Variants in ADAMTS9 observed in about 807,000 individuals in gnomAD.
The protein encoded by ADAMTS9 is ADAM metallopeptidase with thrombospondin type 1 motif 9, also known as A disintegrin and metalloproteinase with thrombospondin motifs 9.
A neutral mutation model predicts 257.1 loss-of-function variants in ADAMTS9; 107 were observed. The observed-to-expected ratio is 0.42, with a 90% CI of 0.36 to 0.49. ADAMTS9 has a LOEUF of 0.49. ADAMTS9 is among the 20% of genes least tolerant of loss of function. The pLI, the probability that ADAMTS9 is intolerant of heterozygous loss-of-function variation, is 0.03. For missense variants in ADAMTS9, 2,353 were observed against 2,469.1 expected, an observed-to-expected ratio of 0.95 and a Z score of 1.00; for synonymous variants, 982 against 880.9, an observed-to-expected ratio of 1.11 and a Z score of -2.03.
chr3:64,549,856 A>G (rs894054941), intron 31 of ADAMTS9, among the ~76,000 whole-genome samples: 1 of 152,188 alleles, frequency 6.6e-6, no homozygotes, highest in Non-Finnish European at 1.5e-5. Flanking sequence ...ATAATTAGAA[A>G]AGACTTTGGG....
chr3:64,535,552 C>CTTTTTTTTTTT (rs57945713), intron 37 of ADAMTS9, among the ~76,000 whole-genome samples: 2 of 84,658 alleles, frequency 2.4e-5, no homozygotes, highest in African/African-American at 4.0e-5. Flanking sequence ...CTTTTCTTTT[C>CTTTTTTTTTTT]TTTTTTTTTT....
At position 64,516,970 on chromosome 3, in the gene ADAMTS9, G is replaced by GATATGTAT. The variant is rs1167008544; in HGVS notation, c.*149_*156dup. ...ATATATGTGTATATATGTATGTGTA[G>GATATGTAT]ATATGTATATATGTATATGTACACA... On this transcript the variant is annotated 3_prime_UTR_variant, in exon 40 of 40. Coordinates refer to ENST00000498707, the MANE Select transcript of ADAMTS9 (RefSeq NM_182920.2). 1 of 152,370 alleles carries GATATGTAT rather than the reference G, an allele frequency of 6.6e-6. No individual in the cohort carries two copies. The allele number at this position is 152,370 out of a possible 1,614,324, so 9.4% of individuals were successfully genotyped here. A position where few individuals can be genotyped will look rare whatever the true frequency, so the allele number is the denominator to read the frequency against.
At chr3:64,613,568 GGGTTATTTATTGATGAGTAGGAACA>G in intron 21 of ADAMTS9, 59 bp from the exon 22 acceptor site, 1 of 1,538,604 alleles carries the variant, frequency 6.5e-7, no homozygotes, top group Non-Finnish European at 8.8e-7. Context: ...GTGGTTTCTG[GGGTTATTTATTGATGAGTAGGAACA>G]GGTGTGTCCT....
intron 30 of ADAMTS9, among the ~76,000 whole-genome samples, chr3:64,560,962 A>T (rs1369433053): frequency 1.3e-5 from 2 of 152,086 alleles, no homozygotes; most frequent in Admixed American, 1.3e-4. Flanking sequence ...CCCCATGGAC[A>T]CAATGTTTTC....
In ADAMTS9 at chr3:64,522,189, C is replaced by T; in HGVS notation, c.5790G>A (p.Leu1930=). The part of the protein sequence containing the change: ...GKCTPSSGTG[L]EVRVL ...ACCTTAGCTATAAAACTCGCACCTC[C>T]AGGCCAGTACCAGAGGATGGAGTGC... Residue 1930 remains leucine (L), a synonymous_variant, in exon 39 of 40, where the codon CTG becomes CTA. Transcript: ENST00000498707. 1 of 1,614,010 alleles carries T rather than the reference C, an allele frequency of 6.2e-7. No individual in the cohort carries two copies. Among genetic ancestry groups the T allele is most frequent in the Non-Finnish European group, 8.5e-7 (1 of 1,179,902 alleles).
intron 18 of ADAMTS9, among the ~76,000 whole-genome samples, 185 bp downstream of exon 18, chr3:64,622,012 TC>T (rs1265602350): frequency 6.6e-6 from 1 of 151,956 alleles, no homozygotes; most frequent in Non-Finnish European, 1.5e-5. Flanking sequence ...ATCTAAAATT[TC>T]TTGAATCACT....
intron 4 of ADAMTS9, among the ~76,000 whole-genome samples, chr3:64,658,282 A>G (rs1701135296): frequency 6.6e-6 from 1 of 152,232 alleles, no homozygotes; most frequent in Non-Finnish European, 1.5e-5. Context: ...CCTTTTAAGT[A>G]AGAAGCACAT....
chr3:64,629,826 TA>T (rs1389311079), intron 16 of ADAMTS9, among the ~76,000 whole-genome samples: 1 of 152,228 alleles, frequency 6.6e-6, no homozygotes, highest in Non-Finnish European at 1.5e-5. Context: ...GCAAATGCCA[TA>T]ATGGAGTCAT....
intron 22 of ADAMTS9, among the ~76,000 whole-genome samples, chr3:64,608,687 T>C (rs2084610077): frequency 6.6e-6 from 1 of 151,972 alleles, no homozygotes; most frequent in African/African-American, 2.4e-5. Context: ...CACTCATGAA[T>C]TTTACCAAAC....
At chr3:64,631,666 G>A (rs902433733) in intron 15 of ADAMTS9, 116 bp from the exon 16 acceptor site, 5 of 1,160,508 alleles carry the variant, frequency 4.3e-6, no homozygotes, top group African/African-American at 1.5e-5. Flanking sequence ...ATTCTATTAG[G>A]TGCCTTCTAG....
At chr3:64,565,831 G>T (rs2083531148) in intron 29 of ADAMTS9, 1 of 152,044 alleles carries the variant, frequency 6.6e-6, no homozygotes, top group Non-Finnish European at 1.5e-5. Flanking sequence ...AACCCTTTAA[G>T]GCTTCAGTAA....
intron 39 of ADAMTS9, among the ~76,000 whole-genome samples, chr3:64,520,455 T>C (rs533032203): frequency 6.6e-6 from 1 of 152,270 alleles, no homozygotes; most frequent in African/African-American, 2.4e-5. Flanking sequence ...AAAATTGATA[T>C]GGAACCAAAG....
intron 3 of ADAMTS9, among the ~76,000 whole-genome samples, chr3:64,667,196 A>G (rs1701371507): frequency 6.6e-6 from 1 of 152,148 alleles, no homozygotes; most frequent in East Asian, 1.9e-4. Context: ...TGGTTTATGG[A>G]ACATTAGTCC....
chr3:64,534,797 T>C (rs2083027679), intron 37 of ADAMTS9, among the ~76,000 whole-genome samples: 1 of 152,010 alleles, frequency 6.6e-6, no homozygotes, highest in South Asian at 2.1e-4. Context: ...GGAATGGTGC[T>C]GCTGTTGGCA....
chr3:64,647,838 G>C (rs577757358), intron 11 of ADAMTS9, 102 bp downstream of exon 11: 116 of 969,964 alleles, frequency 1.2e-4, no homozygotes, highest in Non-Finnish European at 1.7e-4. Context: ...AGCTAAAACA[G>C]ACTGCATTGT....
chr3:64,619,129 A>T (rs185332499), intron 19 of ADAMTS9, among the ~76,000 whole-genome samples: 1 of 152,174 alleles, frequency 6.6e-6, no homozygotes, highest in Admixed American at 6.6e-5. Context: ...ATTATTCGCA[A>T]TGCTATGTAT....
At chr3:64,577,230 G>A (rs1263817637) in intron 28 of ADAMTS9, among the ~76,000 whole-genome samples, 1 of 152,118 alleles carries the variant, frequency 6.6e-6, no homozygotes, top group Non-Finnish European at 1.5e-5. Context: ...GTACCCTGGG[G>A]AACTGATGAC....
chr3:64,530,738 T>G (rs1053981599), intron 38 of ADAMTS9, among the ~76,000 whole-genome samples: 13 of 152,114 alleles, frequency 8.5e-5, no homozygotes, highest in Admixed American at 5.2e-4. Flanking sequence ...ACAGTTTATC[T>G]ACATGGGTTT....
chr3:64,581,750 CA>C, intron 28 of ADAMTS9, among the ~76,000 whole-genome samples: 1 of 152,250 alleles, frequency 6.6e-6, no homozygotes, highest in South Asian at 2.1e-4. Context: ...TATGGAAAAC[CA>C]AGATCTCTTC....
Sources: gnomAD v4.1 joint callset for allele counts (sites outside exome capture counted in the v4.1 genomes callset) on GRCh38, gnomAD v4.1.1 for gene constraint, MANE v1.5 for transcripts, NCBI Gene and HGNC (gene_info 2026-07-23, HGNC 2026-07-21) for gene names.